SUCO: variants seen among roughly 807,000 people sequenced by gnomAD.
The protein encoded by SUCO is SUN domain containing ossification factor.
In SUCO, 57 loss-of-function variants were observed where a neutral mutation model predicts 148.1. That is an observed-to-expected ratio of 0.38 (90% CI 0.31 to 0.48). The LOEUF (loss-of-function observed/expected upper bound fraction) is 0.48, where lower values mean the gene tolerates loss of function less well. Among genes scored for constraint, SUCO ranks in the 20% least tolerant of loss-of-function variants. SUCO has a pLI of 0.96. For missense variants in SUCO, 1,331 were observed against 1,468.2 expected (o/e 0.91, Z 1.53); for synonymous variants, 470 against 502.7 (o/e 0.93, Z 0.87).
intron 19 of SUCO, among the ~76,000 whole-genome samples, chr1:172,598,890 A>G (rs1657304689): frequency 6.6e-6 from 1 of 152,256 alleles, no homozygotes; most frequent in Admixed American, 6.5e-5. Flanking sequence ...ACCATAGTGG[A>G]TCACAGTAAG....
At chr1:172,556,120 A>G in intron 4 of SUCO, 97 bp downstream of exon 4, 1 of 929,696 alleles carries the variant, frequency 1.1e-6, no homozygotes, top group South Asian at 1.6e-5. Flanking sequence ...CTCAAGTTTG[A>G]AGTTTAGGCT....
At chr1:172,590,002 A>C in intron 18 of SUCO, 76 bp downstream of exon 18, 1 of 1,219,402 alleles carries the variant, frequency 8.2e-7, no homozygotes, top group Non-Finnish European at 1.1e-6. Context: ...CTGTGATTAC[A>C]GGAGAGGATT....
At chr1:172,575,700 T>C in intron 11 of SUCO, 77 bp downstream of exon 11, 1 of 975,346 alleles carries the variant, frequency 1.0e-6, no homozygotes, top group South Asian at 1.5e-5. Context: ...CCTCATCTTT[T>C]TAGAAATCAG....
intron 22 of SUCO, among the ~76,000 whole-genome samples, chr1:172,604,233 A>G (rs945002260): frequency 1.3e-5 from 2 of 151,748 alleles, no homozygotes; most frequent in African/African-American, 4.8e-5. Context: ...TCTTTATCCA[A>G]TTTTTTAGGG....
chr1:172,608,782 A>G lies in SUCO; in HGVS notation c.3301A>G (p.Lys1101Glu). 1 of 1,584,300 alleles carries G rather than the reference A, an allele frequency of 6.3e-7. No homozygotes were observed. The change falls in exon 23 of 24, where the codon AAG becomes GAG. Residue 1101 changes from lysine to glutamate, a missense_variant. By Grantham distance (56) the Lys-to-Glu change is moderately conservative (BLOSUM62 1). Coordinates refer to ENST00000263688, the MANE Select transcript of SUCO (RefSeq NM_014283.5). ...PNDLYIVEPLKFSPEKKKKRC... is the reference protein window; with the variant it reads ...PNDLYIVEPLEFSPEKKKKRC... The stretch of plus-strand genomic sequence containing the variant: ...TGATTTGTACATTGTAGAACCCCTC[A>G]AGTTTTCTCCAGAAAAGAAGGTAAT...
Position 172,589,151 on chromosome 1 carries a change from G to C in SUCO, c.2050G>C (p.Glu684Gln). The change falls in exon 18 of 24, where the codon GAA becomes CAA. Residue 684 changes from glutamate to glutamine, a missense_variant. Around this residue, in one of 3 missense-constraint regions of SUCO, gnomAD observed 992 missense variants for 1,093.5 expected, o/e 0.91. Coordinates refer to ENST00000263688, the MANE Select transcript of SUCO (RefSeq NM_014283.5). ...TTCAGTATTGCAACCTCTGAGTGGA[G>C]AATTGGAAAATACGAATATAGAAAG... ...DVSVLQPLSG[E>Q]LENTNIEREA... 6.2e-7 allele frequency: 1 copy of C among 1,613,888 alleles called. No homozygotes were observed. The highest frequency in any genetic ancestry group is 8.5e-7 in the Non-Finnish European group (1 of 1,179,880).
intron 22 of SUCO, among the ~76,000 whole-genome samples, chr1:172,603,783 G>A (rs1370467624): frequency 6.6e-6 from 1 of 151,982 alleles, no homozygotes; most frequent in Admixed American, 6.6e-5. Flanking sequence ...CTTTCCCAGA[G>A]TAGCCAGTAT....
At chr1:172,540,301 T>G (rs1303191143) in intron 1 of SUCO, among the ~76,000 whole-genome samples, 1 of 152,200 alleles carries the variant, frequency 6.6e-6, no homozygotes, top group Non-Finnish European at 1.5e-5. Context: ...GTTAATAATT[T>G]TATCTGGCAA....
intron 6 of SUCO, chr1:172,568,428 A>T: frequency 1.0e-6 from 1 of 978,504 alleles, no homozygotes; most frequent in South Asian, 4.7e-5. Context: ...CATGTCATTT[A>T]TGGTTAACCT....
intron 17 of SUCO, 143 bp from the exon 18 acceptor site, chr1:172,588,617 A>G: frequency 7.8e-7 from 1 of 1,274,700 alleles, no homozygotes; most frequent in Non-Finnish European, 1.0e-6. Flanking sequence ...AGTGTTTTGT[A>G]GGTGAAACAT....
intron 9 of SUCO, among the ~76,000 whole-genome samples, chr1:172,572,696 TAAAAAAAAA>T (rs61248782): frequency 1.4e-4 from 7 of 49,606 alleles, no homozygotes; most frequent in South Asian, 1.2e-3. Flanking sequence ...GAATGATCAA[TAAAAAAAAA>T]AAAAAAAAAA....
In SUCO at chr1:172,609,889, A is replaced by G. The variant is rs1260286408; in HGVS notation, c.3395A>G (p.Asn1132Ser). ...GAAGAACCATTGCACCCCATAGCCA[A>G]TGGCGACATAAAAGGAAGAAAGCCC... ...KPEEPLHPIANGDIKGRKPFT... is the reference protein window; with the variant it reads ...KPEEPLHPIASGDIKGRKPFT... Residue 1132 changes from asparagine (N) to serine (S), a missense_variant, in exon 24 of 24, where the codon AAT becomes AGT. Coordinates refer to ENST00000263688, the MANE Select transcript of SUCO (RefSeq NM_014283.5). 1 of 1,613,864 alleles carries G rather than the reference A, an allele frequency of 6.2e-7. No homozygotes were observed. The highest frequency in any genetic ancestry group is 2.2e-5 in the East Asian group (1 of 44,872).
At chr1:172,606,133 G>A (rs1657849732) in intron 22 of SUCO, among the ~76,000 whole-genome samples, 1 of 151,194 alleles carries the variant, frequency 6.6e-6, no homozygotes, top group Non-Finnish European at 1.5e-5. Flanking sequence ...ATTTTGTATT[G>A]TATATATTAT....
chr1:172,556,970 A>G (rs941002341), intron 4 of SUCO: 4 of 981,852 alleles, frequency 4.1e-6, no homozygotes, highest in East Asian at 2.3e-4. Flanking sequence ...AGGATGCCAT[A>G]AGTAACAACT....
chr1:172,575,328 T>C (rs183684285), intron 10 of SUCO, among the ~76,000 whole-genome samples, 190 bp from the exon 11 acceptor site: 74 of 152,122 alleles, frequency 4.9e-4, no homozygotes, highest in African/African-American at 1.5e-3. Context: ...AGGCATTCTT[T>C]CCTGGTAAAG....
chr1:172,584,667 G>A (rs1231286284), intron 15 of SUCO, among the ~76,000 whole-genome samples: 1 of 152,060 alleles, frequency 6.6e-6, no homozygotes, highest in Non-Finnish European at 1.5e-5. Flanking sequence ...CAGCTACTCG[G>A]GAGGCTGAGG....
chr1:172,568,237 A>G (rs973008381), intron 6 of SUCO: 7 of 894,456 alleles, frequency 7.8e-6, no homozygotes, highest in Non-Finnish European at 9.4e-6. Flanking sequence ...TCAGGCTTTC[A>G]TTTGGATTCC....
chr1:172,574,571 C>T (rs1050680516), intron 10 of SUCO, among the ~76,000 whole-genome samples: 1 of 152,016 alleles, frequency 6.6e-6, no homozygotes, highest in African/African-American at 2.4e-5. Flanking sequence ...CCAGTCTTTA[C>T]TATGCACTTA....
At chr1:172,544,372 G>A (rs755191603) in intron 1 of SUCO, among the ~76,000 whole-genome samples, 25 of 152,180 alleles carry the variant, frequency 1.6e-4, no homozygotes, top group Non-Finnish European at 3.4e-4. Flanking sequence ...CTCTGCCTTG[G>A]AGTTGCTTAG....
Sources: allele counts gnomAD v4.1 joint callset (sites outside exome capture counted in the v4.1 genomes callset), GRCh38; gene constraint gnomAD v4.1.1; regional missense constraint gnomAD v4.1.1; transcripts MANE v1.5; gene names NCBI Gene and HGNC (gene_info 2026-07-23, HGNC 2026-07-21).